Variants in TMC7 observed in about 807,000 individuals in gnomAD.
TMC7 encodes the protein transmembrane channel-like protein 7.
Under a neutral mutation model 82.9 loss-of-function variants are expected in TMC7, and 54 were observed. That is an observed-to-expected ratio of 0.65 (90% CI 0.52 to 0.82). TMC7 has a LOEUF of 0.82. Among genes scored for constraint, TMC7 ranks in the 40% least tolerant of loss-of-function variants. TMC7 has a pLI of 0.00. For synonymous variants in TMC7, 350 were observed against 337.9 expected (o/e 1.04, Z -0.39); for missense variants, 820 against 901.2 (o/e 0.91, Z 1.15).
At chr16:19,028,139 T>C (rs1960322322) in intron 5 of TMC7, among the ~76,000 whole-genome samples, 1 of 152,180 alleles carries the variant, frequency 6.6e-6, no homozygotes. Flanking sequence ...CTATGTATTA[T>C]CTACCTACAA....
intron 1 of TMC7, 107 bp downstream of exon 1, chr16:18,984,237 C>G (rs569673838): frequency 7.4e-7 from 1 of 1,355,006 alleles, no homozygotes; most frequent in Non-Finnish European, 9.4e-7. Flanking sequence ...CCTCCCACCC[C>G]CGACGCCGGG....
chr16:19,033,119 C>T, intron 6 of TMC7, among the ~76,000 whole-genome samples: 1 of 152,058 alleles, frequency 6.6e-6, no homozygotes, highest in East Asian at 1.9e-4. Flanking sequence ...AGGCCAGAGA[C>T]CATCGCTGGA....
intron 14 of TMC7, among the ~76,000 whole-genome samples, chr16:19,058,812 C>T (rs1375404106): frequency 1.3e-5 from 2 of 152,150 alleles, no homozygotes; most frequent in Non-Finnish European, 2.9e-5. Context: ...CTCAGATTCT[C>T]CCACCTTAGC....
Position 19,035,721 on chromosome 16 carries a change from C to G in TMC7, c.903C>G (p.His301Gln). Residue 301 changes from histidine to glutamine, a missense_variant, in exon 7 of 16, where the codon CAC (histidine) becomes CAG (glutamine). Around this residue, in one of 2 missense-constraint regions of TMC7, gnomAD observed 650 missense variants for 669.9 expected, o/e 0.97. Transcript: ENST00000304381. ...TCAACCTGATTCGGAGTGAGGAGCA[C>G]TTTCAGAGTTACTGCAACAAGATAT... ...FKINLIRSEE[H>Q]FQSYCNKIFA... 1 of 1,613,942 alleles carries G rather than the reference C, an allele frequency of 6.2e-7. No homozygotes were observed. The highest frequency in any genetic ancestry group is 8.5e-7 in the Non-Finnish European group (1 of 1,179,996).
chr16:19,059,293 T>A, intron 14 of TMC7, 123 bp from the exon 15 acceptor site: 2 of 1,495,446 alleles, frequency 1.3e-6, no homozygotes, highest in Non-Finnish European at 1.8e-6. Context: ...AAATGAGCCA[T>A]CATGCCCAGC....
chr16:19,040,387 C>T lies in TMC7; in HGVS notation c.1278C>T (p.Ala426=). 1 of 1,613,536 alleles carries T rather than the reference C, an allele frequency of 6.2e-7. No individual in the cohort carries two copies. Among genetic ancestry groups the T allele is most frequent in the South Asian group, 1.1e-5 (1 of 91,062 alleles). ...ATTTTATCACCCCAATGATCTTTGC[C>T]AAGATCATCCGCTATGAGGATTATT... ...LANFITPMIF[A]KIIRYEDYSP... Residue 426 remains alanine (A), a synonymous_variant, in exon 9 of 16, where the codon GCC becomes GCT. Transcript: ENST00000304381.
chr16:19,015,118 C>A (rs962937396), intron 2 of TMC7, among the ~76,000 whole-genome samples: 16 of 151,706 alleles, frequency 1.1e-4, no homozygotes, highest in African/African-American at 3.6e-4. Flanking sequence ...TGCCTGCCAC[C>A]ATGCCCACCT....
rs1459072614 is a variant in TMC7 at position 19,037,912 on chromosome 16, A to G, written c.1044A>G (p.Ala348=). ...AAGAAAGAATGCGGCAGAAAATAGCAGAAAGGACCTCAGAAGAAACAATAC... is the reference window on the plus strand; with the variant it reads ...AAGAAAGAATGCGGCAGAAAATAGCGGAAAGGACCTCAGAAGAAACAATAC... ...LEEERMRQKI[A]ERTSEETIRI... The change falls in exon 8 of 16, where the codon GCA becomes GCG. Residue 348 remains alanine, a synonymous_variant. Transcript: ENST00000304381. 6.2e-7 allele frequency: 1 copy of G among 1,613,674 alleles called. No homozygotes were observed. Among genetic ancestry groups the G allele is most frequent in the Admixed American group, 1.7e-5 (1 of 59,890 alleles).
intron 1 of TMC7, among the ~76,000 whole-genome samples, chr16:18,996,736 A>T (rs1043795288): frequency 6.6e-6 from 1 of 152,184 alleles, no homozygotes; most frequent in African/African-American, 2.4e-5. Context: ...CTGGGCTGCA[A>T]TGTGGGTGAG....
chr16:18,990,461 A>AT (rs1567497020), intron 1 of TMC7, among the ~76,000 whole-genome samples: 1 of 152,050 alleles, frequency 6.6e-6, no homozygotes, highest in Admixed American at 6.6e-5. Context: ...TGCCCGGCTA[A>AT]TTTTTGTATT....
intron 14 of TMC7, among the ~76,000 whole-genome samples, chr16:19,058,375 C>T (rs1020624009): frequency 6.6e-6 from 1 of 151,656 alleles, no homozygotes; most frequent in African/African-American, 2.4e-5. Context: ...AGTGAAACTC[C>T]GTCTCAAAAA....
At chr16:19,026,146 G>A (rs955191150) in intron 5 of TMC7, among the ~76,000 whole-genome samples, 4 of 149,976 alleles carry the variant, frequency 2.7e-5, no homozygotes, top group East Asian at 1.9e-4. Flanking sequence ...GAATTGTTGG[G>A]TGGGTGTTCA....
In TMC7 at chr16:19,047,098, T is replaced by C; in HGVS notation, c.1589T>C (p.Ile530Thr). 1 of 1,613,158 alleles carries C rather than the reference T, an allele frequency of 6.2e-7. No homozygotes were observed. Among genetic ancestry groups the C allele is most frequent in the Non-Finnish European group, 8.5e-7 (1 of 1,179,728 alleles). ...LVTYCSSCKL[I>T]QCWGQQEFAI... ...ACCTACTGTTCCTCTTGCAAGCTGA[T>C]TCAGTGCTGGGGGCAGCAGGAGTTT... The change falls in exon 12 of 16, where the codon ATT becomes ACT. Residue 530 changes from isoleucine (I) to threonine (T), a missense_variant. Physicochemically the swap from Ile to Thr is moderately conservative, Grantham distance 89. This residue lies in a region of TMC7 where 650 missense variants were observed against 669.9 expected (regional missense o/e 0.97). Transcript: ENST00000304381.
rs147821309 is a variant in TMC7, at chr16:19,055,054, T to C, written c.1872-1488T>C. On this transcript the variant is annotated intron_variant, in intron 13 of 15. Transcript: ENST00000304381. ...CAAGCCACCGCACCTGGCCATATTG[T>C]TATTTTTTATTTTTCAAATATTTTT... is the stretch of plus-strand genomic sequence containing the variant. 7.9e-3 allele frequency among the ~76,000 whole-genome samples: 1,195 copies of C among 152,040 alleles called. 12 individuals are homozygous for C. The highest frequency in any genetic ancestry group is 0.027 in the African/African-American group (1,138 of 41,482).
At chr16:19,010,102 TCCTTTCCCCTTCCC>T (rs1483866855) in intron 2 of TMC7, among the ~76,000 whole-genome samples, 3 of 142,358 alleles carry the variant, frequency 2.1e-5, no homozygotes, top group African/African-American at 7.8e-5. Flanking sequence ...TTTTCCTTTT[TCCTTTCCCCTTCCC>T]CCTTTCCCCT....
At chr16:19,020,902 T>G (rs1959940747) in intron 3 of TMC7, among the ~76,000 whole-genome samples, 1 of 145,990 alleles carries the variant, frequency 6.8e-6, no homozygotes, top group African/African-American at 2.5e-5. Flanking sequence ...AAGCCAGATA[T>G]CTAGGAATAT....
chr16:19,061,650 A>G (rs1962016610), intron 15 of TMC7, 128 bp from the exon 16 acceptor site: 2 of 704,222 alleles, frequency 2.8e-6, no homozygotes, highest in East Asian at 5.7e-5. Flanking sequence ...AGCAGACACA[A>G]TGACAGACCA....
intron 13 of TMC7, among the ~76,000 whole-genome samples, chr16:19,055,165 A>G (rs141263131): frequency 7.3e-4 from 111 of 152,122 alleles, no homozygotes; most frequent in African/African-American, 2.6e-3. Context: ...TTTTTTTTGG[A>G]TAGGAAATAA....
At chr16:18,994,335 A>G (rs1308547187) in intron 1 of TMC7, among the ~76,000 whole-genome samples, 1 of 152,088 alleles carries the variant, frequency 6.6e-6, no homozygotes. Context: ...ATGCGAAAAC[A>G]GTAAGGTCAA....
Sources: allele counts gnomAD v4.1 joint callset (sites outside exome capture counted in the v4.1 genomes callset), GRCh38; gene constraint gnomAD v4.1.1; regional missense constraint gnomAD v4.1.1; transcripts MANE v1.5; gene names NCBI Gene and HGNC (gene_info 2026-07-23, HGNC 2026-07-21).